The following SYNE2 variants were observed in gnomAD, a reference collection of about 807,000 sequenced individuals.
SYNE2 encodes the protein nesprin-2.
In SYNE2, 431 loss-of-function variants were observed where a neutral mutation model predicts 856.3. The ratio of observed to expected loss-of-function variants is 0.50; its 90% CI spans 0.47 to 0.55. The LOEUF (loss-of-function observed/expected upper bound fraction) is 0.55. SYNE2 is among the 20% of genes least tolerant of loss of function. The pLI is 0.00. For missense variants in SYNE2, 8,129 were observed against 8,023.2 expected (o/e 1.01, Z -0.50); for synonymous variants, 2,923 against 2,872.3 (o/e 1.02, Z -0.56).
chr14:63,994,048 G>A (rs1033795411), intron 22 of SYNE2, 79 bp downstream of exon 22: 29 of 1,456,814 alleles, frequency 2.0e-5, no homozygotes, highest in Non-Finnish European at 2.5e-5. Context: ...GCCATTCCTG[G>A]GGTTTTCCTG....
intron 112 of SYNE2, 41 bp downstream of exon 112, chr14:64,221,745 T>C (rs1400834190): frequency 6.2e-7 from 1 of 1,610,932 alleles, no homozygotes; most frequent in Non-Finnish European, 8.5e-7. Context: ...CACCAGCCTC[T>C]GTCAGCCCCA....
chr14:63,945,506 GT>G (rs1464252337), intron 6 of SYNE2, among the ~76,000 whole-genome samples: 1 of 152,114 alleles, frequency 6.6e-6, no homozygotes, highest in Non-Finnish European at 1.5e-5. Flanking sequence ...AGTCTTTCTT[GT>G]TCATTGCTCT....
intron 1 of SYNE2, among the ~76,000 whole-genome samples, chr14:63,854,504 A>T (rs1379840977): frequency 3.3e-5 from 5 of 152,202 alleles, no homozygotes; most frequent in South Asian, 4.1e-4. Context: ...ATAATTACTG[A>T]ACGGCTTTAG....
chr14:64,087,777 T>C lies in SYNE2; in HGVS notation c.11591T>C (p.Ile3864Thr). 6.2e-7 allele frequency: 1 copy of C among 1,614,126 alleles called. No homozygotes were observed. Among genetic ancestry groups the C allele is most frequent in the South Asian group, 1.1e-5 (1 of 91,082 alleles). Residue 3864 changes from isoleucine to threonine, a missense_variant, in exon 58 of 116, where the codon ATA (isoleucine) becomes ACA (threonine). Ile to Thr is a moderately conservative substitution (Grantham distance 89, BLOSUM62 -1). This residue lies in a region of SYNE2 where 5,410 missense variants were observed against 5,284.8 expected (regional missense o/e 1.02). Transcript: ENST00000555002. ...GAAACAGATGAATTAACCCAATCCA[T>C]ACAAGAGTTAAGTAATCAAGTAACA... ...IFETDELTQS[I>T]QELSNQVTAL...
chr14:63,793,453 T>C (rs1887804727), intron 1 of SYNE2, among the ~76,000 whole-genome samples: 1 of 152,242 alleles, frequency 6.6e-6, no homozygotes, highest in Admixed American at 6.5e-5. Flanking sequence ...GATAAATTTC[T>C]ACTGCAGATA....
intron 1 of SYNE2, among the ~76,000 whole-genome samples, chr14:63,798,360 C>T (rs897224807): frequency 2.6e-5 from 4 of 151,316 alleles, no homozygotes; most frequent in Admixed American, 6.6e-5. Context: ...TTCTTGCATA[C>T]GTCTTATCTA....
At chr14:63,763,683 A>G (rs549643145) in intron 1 of SYNE2, among the ~76,000 whole-genome samples, 134 of 152,256 alleles carry the variant, frequency 8.8e-4, no homozygotes, top group Middle Eastern at 3.4e-3. Flanking sequence ...GACCTAAAAA[A>G]AGACAAGGTC....
At chr14:64,179,026 A>C (rs958030377) in intron 96 of SYNE2, among the ~76,000 whole-genome samples, 2 of 152,196 alleles carry the variant, frequency 1.3e-5, no homozygotes, top group African/African-American at 4.8e-5. Context: ...ACAGTGACTC[A>C]TGAATGCACC....
At chr14:63,845,779 C>T (rs117850402) in intron 1 of SYNE2, among the ~76,000 whole-genome samples, 2,842 of 136,720 alleles carry the variant, frequency 0.021, 40 homozygotes, top group Middle Eastern at 0.043. Flanking sequence ...TTCACTATGT[C>T]GCCCAGGCTG....
chr14:64,208,913 C>T lies in SYNE2; in HGVS notation c.18357C>T (p.Asn6119=), dbSNP rs774171884. Residue 6119 remains asparagine (N), a synonymous_variant, in exon 101 of 116, where the codon AAC becomes AAT. Coordinates refer to ENST00000555002, the MANE Select transcript of SYNE2 (RefSeq NM_182914.3). The part of the protein sequence containing the change: ...TTRSLDRRWR[N]ICAMSMERRM... ...GGAGCCTGGACAGACGCTGGAGGAACATTTGTGCCATGTCCATGGAGCGGC... is the reference window on the plus strand; with the variant it reads ...GGAGCCTGGACAGACGCTGGAGGAATATTTGTGCCATGTCCATGGAGCGGC... 3 of 1,614,038 alleles carry T rather than the reference C, an allele frequency of 1.9e-6. No individual in the cohort carries two copies. Among genetic ancestry groups the T allele is most frequent in the Non-Finnish European group, 2.5e-6 (3 of 1,180,032 alleles).
At chr14:63,921,886 C>T (rs889801854) in intron 2 of SYNE2, among the ~76,000 whole-genome samples, 3 of 152,172 alleles carry the variant, frequency 2.0e-5, no homozygotes, top group East Asian at 1.9e-4. Context: ...TGATTTTGAA[C>T]TATAATGAAA....
At chr14:63,992,240 AG>A (rs1336893193) in intron 21 of SYNE2, among the ~76,000 whole-genome samples, 1 of 135,826 alleles carries the variant, frequency 7.4e-6, no homozygotes, top group African/African-American at 2.7e-5. Context: ...GAAAAAGAGA[AG>A]GAAAAAAAAA....
At position 64,202,975 on chromosome 14, in the gene SYNE2, A is replaced by C. The variant is rs757137174; in HGVS notation, c.18201+12A>C. 4 of 1,614,052 alleles carry C rather than the reference A, an allele frequency of 2.5e-6. No homozygotes were observed. Among genetic ancestry groups the C allele is most frequent in the Non-Finnish European group, 3.4e-6 (4 of 1,180,038 alleles). ...TCGCTGAGCAGCAGGTGGGACAATC[A>C]GAAATGAGCTCTTGCAAGAGTACGG... is the stretch of plus-strand genomic sequence containing the variant. On this transcript the variant is annotated intron_variant, in intron 100 of 115. Transcript: ENST00000555002.
intron 1 of SYNE2, among the ~76,000 whole-genome samples, chr14:63,895,493 C>T (rs914158148): frequency 1.3e-5 from 2 of 150,684 alleles, no homozygotes; most frequent in African/African-American, 2.4e-5. Flanking sequence ...GTGGTTCACA[C>T]CTGTAATCCT....
At chr14:64,019,672 C>A (rs562536546) in intron 34 of SYNE2, among the ~76,000 whole-genome samples, 1 of 152,034 alleles carries the variant, frequency 6.6e-6, no homozygotes, top group Non-Finnish European at 1.5e-5. Context: ...TGTGTGCATG[C>A]GTGCAGATGC....
At chr14:63,814,679 CATATATATCCAT>C (rs1201725910) in intron 1 of SYNE2, among the ~76,000 whole-genome samples, 67 of 63,230 alleles carry the variant, frequency 1.1e-3, no homozygotes, top group African/African-American at 3.8e-3. Context: ...CATATATATC[CATATATATCCAT>C]ATATATATCC....
intron 30 of SYNE2, among the ~76,000 whole-genome samples, chr14:64,005,061 G>A (rs894290658): frequency 6.6e-6 from 1 of 152,180 alleles, no homozygotes; most frequent in Non-Finnish European, 1.5e-5. Context: ...CAAGGGTCGG[G>A]TGTGTTTGAG....
Position 64,093,425 on chromosome 14 carries a change from A to C in SYNE2, c.12053A>C (p.Gln4018Pro). 1 of 1,614,166 alleles carries C rather than the reference A, an allele frequency of 6.2e-7. No homozygotes were observed. Among genetic ancestry groups the C allele is most frequent in the Non-Finnish European group, 8.5e-7 (1 of 1,179,980 alleles). ...LKQILNNYSA[Q>P]FSLEHMSPDQ... is the part of the protein sequence containing the mutation. The stretch of plus-strand genomic sequence containing the variant: ...CAGATCTTAAATAATTATTCAGCTC[A>C]GTTCTCCCTTGAACATATGTCACCA... Residue 4018 changes from glutamine to proline, a missense_variant, in exon 61 of 116, where the codon CAG becomes CCG. Coordinates refer to ENST00000555002, the MANE Select transcript of SYNE2 (RefSeq NM_182914.3).
chr14:63,834,914 A>C (rs1175382654), intron 1 of SYNE2, among the ~76,000 whole-genome samples: 3 of 152,200 alleles, frequency 2.0e-5, no homozygotes, highest in Non-Finnish European at 4.4e-5. Context: ...CTGGGATTAC[A>C]GGCATGAGTC....
Sources: allele counts gnomAD v4.1 joint callset (sites outside exome capture counted in the v4.1 genomes callset), GRCh38; gene constraint gnomAD v4.1.1; regional missense constraint gnomAD v4.1.1; transcripts MANE v1.5; gene names NCBI Gene and HGNC (gene_info 2026-07-23, HGNC 2026-07-21).